CFHR3: variants seen among roughly 807,000 people sequenced by gnomAD.
CFHR3 encodes complement factor H related 3, also known as complement factor H-related protein 3.
Under a neutral mutation model 36.0 loss-of-function variants are expected in CFHR3, and 22 were observed. That is an observed-to-expected ratio of 0.61 (90% CI 0.44 to 0.87). CFHR3 has a LOEUF of 0.87. Ranked by LOEUF, CFHR3 falls within the 40% of genes least tolerant of loss-of-function variation. CFHR3 has a pLI of 0.00. For missense variants in CFHR3, 276 were observed against 401.3 expected, an observed-to-expected ratio of 0.69 and a Z score of 2.67; for synonymous variants, 97 against 137.4, an observed-to-expected ratio of 0.71 and a Z score of 2.06.
chr1:196,789,792 T>C (rs1269853453), intron 4 of CFHR3: 3 of 1,257,322 alleles, frequency 2.4e-6, no homozygotes, highest in Non-Finnish European at 3.1e-6. Flanking sequence ...TTTATTAGAA[T>C]TAAATAAAAT....
chr1:196,780,141 T>G (rs1238721946), intron 3 of CFHR3, among the ~76,000 whole-genome samples, 168 bp downstream of exon 3: 4 of 138,050 alleles, frequency 2.9e-5, no homozygotes, highest in African/African-American at 1.2e-4. Context: ...ACAAATTTCT[T>G]GATAAGTACA....
At position 196,786,423 on chromosome 1, in the gene CFHR3, C is replaced by T. The variant is rs1336272344; in HGVS notation, c.431-1793C>T. On this transcript the variant is annotated intron_variant, in intron 3 of 5. Coordinates refer to ENST00000367425, the MANE Select transcript of CFHR3 (RefSeq NM_021023.6). ...CCCCCAGAGGTGGAGCCTACAGAGG[C>T]AGGCAGGCCTCCTTGAGCTGTGGTG... Among the ~76,000 whole-genome samples, 4 of 135,830 alleles carry T rather than the reference C, an allele frequency of 2.9e-5. 1 individual carries two copies. Among genetic ancestry groups the T allele is most frequent in the Non-Finnish European group, 6.2e-5 (4 of 64,216 alleles). The allele number at this position is 135,830 out of a possible 152,430, so 89.1% of individuals were successfully genotyped here.
chr1:196,779,349 A>G lies in CFHR3; in HGVS notation c.246A>G (p.Pro82=). The change falls in exon 2 of 6, where the codon CCA becomes CCG. Residue 82 remains proline (P), a synonymous_variant. Transcript: ENST00000367425. ...AAAATGGGTGGTCACCAGCAGTACC[A>G]TGTCTCAGTAAGTAATCCTCTGAAC... is the stretch of plus-strand genomic sequence containing the variant. ...CTQNGWSPAV[P]CLRKCYFPYL... is the part of the protein sequence containing the mutation. 6.6e-7 allele frequency: 1 copy of G among 1,505,380 alleles called. No homozygotes were observed. Among genetic ancestry groups the G allele is most frequent in the Non-Finnish European group, 9.0e-7 (1 of 1,108,552 alleles). 93.3% of individuals were successfully genotyped at this position (1,505,380 alleles called of 1,614,324 possible). A position where few individuals can be genotyped will look rare whatever the true frequency, so the allele number is the denominator to read the frequency against.
At chr1:196,781,984 G>A (rs1158654494) in intron 3 of CFHR3, among the ~76,000 whole-genome samples, 1 of 137,028 alleles carries the variant, frequency 7.3e-6, no homozygotes, top group Non-Finnish European at 1.5e-5. Flanking sequence ...TTTGTATAAG[G>A]TGTAAGGAAG....
rs1473830983 is a variant in CFHR3 at position 196,777,371 on chromosome 1, G to C, written c.59-1791G>C. Among the ~76,000 whole-genome samples, 10 of 136,814 alleles carry C rather than the reference G, an allele frequency of 7.3e-5. 3 individuals carry two copies. Among genetic ancestry groups the C allele is most frequent in the African/African-American group, 3.1e-4 (10 of 32,760 alleles). The allele number at this position is 136,814 out of a possible 152,430, so 89.8% of individuals were successfully genotyped here. A position where few individuals can be genotyped will look rare whatever the true frequency, so the allele number is the denominator to read the frequency against. ...CAAGGGTGACAATTAGTAATGTAGAGTAGGGTTGCCTCTAAATTCCTTTTA... is the reference window on the plus strand; with the variant it reads ...CAAGGGTGACAATTAGTAATGTAGACTAGGGTTGCCTCTAAATTCCTTTTA... On this transcript the variant is annotated intron_variant, in intron 1 of 5. Transcript: ENST00000367425.
At chr1:196,783,018 G>C (rs905910719) in intron 3 of CFHR3, among the ~76,000 whole-genome samples, 3 of 136,978 alleles carry the variant, frequency 2.2e-5, no homozygotes, top group Admixed American at 1.4e-4. Flanking sequence ...ATGAAGCGTT[G>C]TTGAATTTTG....
rs894191085 is a variant in CFHR3, at chr1:196,785,868, G to T, written c.431-2348G>T. ...TGAGGAACTTTGTTCCTTTGGAGGA[G>T]GAGAGGTGCTCTGCTTTTAGAGTTT... On this transcript the variant is annotated intron_variant, in intron 3 of 5. Transcript: ENST00000367425. Among the ~76,000 whole-genome samples the T allele has an allele frequency of 2.2e-5, 3 of 137,174 alleles. No individual in the cohort carries two copies. The South Asian group carries it at 7.6e-4, about 35-fold the overall frequency. 90.0% of individuals were successfully genotyped at this position (137,174 alleles called of 152,430 possible).
rs1170282589 is a variant in CFHR3 at position 196,789,778 on chromosome 1, AT to A, written c.614-261del. 6.7e-5 allele frequency: 87 copies of A among 1,307,188 alleles called. 9 individuals are homozygous for A. Among genetic ancestry groups the A allele is most frequent in the Non-Finnish European group, 8.4e-5 (84 of 1,000,412 alleles). 81.0% of individuals were successfully genotyped at this position (1,307,188 alleles called of 1,614,324 possible). On this transcript the variant is annotated intron_variant, in intron 4 of 5. Transcript: ENST00000367425. ...GTTATAGTAAGTATTTTATTCAAGT[AT>A]TTTTTATTAGAATTAAATAAAATAA...
In CFHR3 at chr1:196,790,449, TG is replaced by T. The variant is rs533162757; in HGVS notation, c.796+226del. Among the ~76,000 whole-genome samples, 34 of 133,452 alleles carry T rather than the reference TG, an allele frequency of 2.5e-4. 3 individuals are homozygous for T. Among genetic ancestry groups the T allele is most frequent in the Non-Finnish European group, 4.4e-4 (28 of 63,676 alleles). 87.5% of individuals were successfully genotyped at this position (133,452 alleles called of 152,430 possible). On this transcript the variant is annotated intron_variant, in intron 5 of 5. Coordinates refer to ENST00000367425, the MANE Select transcript of CFHR3 (RefSeq NM_021023.6). Reference sequence around the variant, plus strand: ...CTTTTTTAAAACAGGAATGTCGGCCTGGGGTGGTGGCTCACGCCTGTAGTCC... The same window carrying T: ...CTTTTTTAAAACAGGAATGTCGGCCTGGGTGGTGGCTCACGCCTGTAGTCC...
intron 1 of CFHR3, among the ~76,000 whole-genome samples, chr1:196,776,226 A>G (rs1354382893): frequency 7.4e-6 from 1 of 134,658 alleles, no homozygotes; most frequent in Non-Finnish European, 1.6e-5. Flanking sequence ...ATTCTTTCTT[A>G]TCTGATATTC....
intron 4 of CFHR3, chr1:196,789,530 C>A: frequency 1.0e-6 from 1 of 957,670 alleles, no homozygotes; most frequent in East Asian, 4.1e-5. Flanking sequence ...GAACTTATAT[C>A]CAATTAATAT....
chr1:196,784,508 C>T lies in CFHR3; in HGVS notation c.431-3708C>T, dbSNP rs1229662994. On this transcript the variant is annotated intron_variant, in intron 3 of 5. Transcript: ENST00000367425. The stretch of plus-strand genomic sequence containing the variant: ...GCTCCTGTATTGGGTGCATATATAT[C>T]TAGGATAGTTAGCTCTTCTTGTTGA... Among the ~76,000 whole-genome samples the T allele has an allele frequency of 2.9e-5, 4 of 135,916 alleles. 1 individual carries two copies. Among genetic ancestry groups the T allele is most frequent in the East Asian group, 2.0e-4 (1 of 5,112 alleles). 89.2% of individuals were successfully genotyped at this position (135,916 alleles called of 152,430 possible).
chr1:196,784,008 G>A (rs1654080859), intron 3 of CFHR3, among the ~76,000 whole-genome samples: 1 of 135,858 alleles, frequency 7.4e-6, no homozygotes, highest in African/African-American at 3.1e-5. Flanking sequence ...TTGTGTCTTT[G>A]TTCTCGTTGG....
In CFHR3 at chr1:196,792,155, T is replaced by A. The variant is rs534797243; in HGVS notation, c.797-1162T>A. 4.9e-5 allele frequency among the ~76,000 whole-genome samples: 6 copies of A among 123,128 alleles called. 2 individuals carry two copies. The South Asian group carries it at 1.4e-3, about 28-fold the overall frequency. 80.8% of individuals were successfully genotyped at this position (123,128 alleles called of 152,430 possible). A position where few individuals can be genotyped will look rare whatever the true frequency, so the allele number is the denominator to read the frequency against. On this transcript the variant is annotated intron_variant, in intron 5 of 5. Transcript: ENST00000367425. ...AGTTCAAACAATATTTATTTTTGAA[T>A]TGTAAACAGCCCCTGAATGTATTGA... is the stretch of plus-strand genomic sequence containing the variant.
Position 196,779,960 on chromosome 1 carries a change from A to G in CFHR3, c.417A>G (p.Arg139=), listed in dbSNP as rs1305998439. ...CTEKGWSPTP[R]CIRVRTCSKS... The stretch of plus-strand genomic sequence containing the variant: ...AGAAAGGCTGGTCTCCTACTCCCAG[A>G]TGCATCCGTGTCAGTAAGTACACCG... Residue 139 remains arginine (R), a synonymous_variant, in exon 3 of 6, where the codon AGA becomes AGG. Coordinates refer to ENST00000367425, the MANE Select transcript of CFHR3 (RefSeq NM_021023.6). The G allele has an allele frequency of 1.3e-6, 2 of 1,533,138 alleles. 1 individual carries two copies. Among genetic ancestry groups the G allele is most frequent in the Non-Finnish European group, 1.8e-6 (2 of 1,133,220 alleles). The allele number at this position is 1,533,138 out of a possible 1,614,324, so 95.0% of individuals were successfully genotyped here.
intron 2 of CFHR3, 111 bp downstream of exon 2, chr1:196,779,467 T>A: frequency 1.0e-6 from 1 of 954,498 alleles, no homozygotes; most frequent in Non-Finnish European, 1.6e-6. Flanking sequence ...GGCCAAGAAA[T>A]GAGTTGTTCA....
chr1:196,788,131 C>A lies in CFHR3; in HGVS notation c.431-85C>A. The A allele has an allele frequency of 1.6e-5, 15 of 946,174 alleles. 1 individual carries two copies. The highest frequency in any genetic ancestry group is 1.9e-5 in the Non-Finnish European group (13 of 688,018). The allele number at this position is 946,174 out of a possible 1,614,324, so 58.6% of individuals were successfully genotyped here. On this transcript the variant is annotated intron_variant, in intron 3 of 5. Coordinates refer to ENST00000367425, the MANE Select transcript of CFHR3 (RefSeq NM_021023.6). ...ATTAACAAATGTTTCATTGTTTCGC[C>A]ATATTGCCATGTTTTTACTTGTTCC...
chr1:196,782,731 C>T (rs997358913), intron 3 of CFHR3, among the ~76,000 whole-genome samples: 1 of 137,044 alleles, frequency 7.3e-6, no homozygotes, highest in African/African-American at 3.1e-5. Flanking sequence ...TCTAGATATA[C>T]AATCATGTCA....
At chr1:196,782,544 T>C (rs1653999010) in intron 3 of CFHR3, among the ~76,000 whole-genome samples, 1 of 136,792 alleles carries the variant, frequency 7.3e-6, no homozygotes, top group East Asian at 2.0e-4. Flanking sequence ...GATTCCTAGG[T>C]ATTTTATTCT....
Sources: gnomAD v4.1 joint callset for allele counts (sites outside exome capture counted in the v4.1 genomes callset) on GRCh38, gnomAD v4.1.1 for gene constraint, MANE v1.5 for transcripts, NCBI Gene and HGNC (gene_info 2026-07-23, HGNC 2026-07-21) for gene names.